Variants in KCNK2 observed in about 807,000 individuals in gnomAD.
The protein encoded by KCNK2 is potassium channel subfamily K member 2.
A neutral mutation model predicts 40.5 loss-of-function variants in KCNK2; 21 were observed. The observed-to-expected ratio is 0.52, with a 90% CI of 0.37 to 0.75. The LOEUF (loss-of-function observed/expected upper bound fraction) is 0.75, where lower values mean the gene tolerates loss of function less well. KCNK2 is among the 30% of genes least tolerant of loss of function. KCNK2 has a pLI of 0.00. For synonymous variants in KCNK2, 191 were observed against 202.2 expected (o/e 0.94, Z 0.47); for missense variants, 399 against 531.6 (o/e 0.75, Z 2.45).
At position 215,187,955 on chromosome 1, in the gene KCNK2, G is replaced by A. The variant is rs1664517237; in HGVS notation, c.824-6998G>A. Among the ~76,000 whole-genome samples the A allele has an allele frequency of 2.6e-5, 4 of 151,868 alleles. No homozygotes were observed. The South Asian group carries it at 8.3e-4, about 32-fold the overall frequency. On this transcript the variant is annotated intron_variant, in intron 5 of 6. Coordinates refer to ENST00000444842, the MANE Select transcript of KCNK2 (RefSeq NM_001017425.3). Reference sequence around the variant, plus strand: ...AATGTGAAAGAGTGAAAAAACCAGAGAAGAATTTATAGTTTCACAAAGCAG... The same window carrying A: ...AATGTGAAAGAGTGAAAAAACCAGAAAAGAATTTATAGTTTCACAAAGCAG...
intron 5 of KCNK2, among the ~76,000 whole-genome samples, chr1:215,188,249 C>T: frequency 6.6e-6 from 1 of 152,072 alleles, no homozygotes; most frequent in Non-Finnish European, 1.5e-5. Flanking sequence ...GTGCTCCCTC[C>T]TATAGAGGTA....
intron 6 of KCNK2, among the ~76,000 whole-genome samples, chr1:215,226,395 G>T (rs572888899): frequency 6.6e-6 from 1 of 152,196 alleles, no homozygotes; most frequent in South Asian, 2.1e-4. Context: ...GCGTGATCTC[G>T]GCTCACTGTA....
chr1:215,098,422 A>C (rs1660072917), intron 2 of KCNK2, among the ~76,000 whole-genome samples: 1 of 151,870 alleles, frequency 6.6e-6, no homozygotes, highest in Non-Finnish European at 1.5e-5. Flanking sequence ...CAAATCTGTT[A>C]GTTTTCACGT....
intron 1 of KCNK2, among the ~76,000 whole-genome samples, chr1:215,076,871 T>G (rs1454494667): frequency 1.3e-5 from 2 of 152,178 alleles, no homozygotes; most frequent in African/African-American, 4.8e-5. Context: ...TGATATCAAG[T>G]GTCAGACATC....
chr1:215,225,710 T>C (rs1304190332), intron 6 of KCNK2, among the ~76,000 whole-genome samples: 1 of 152,154 alleles, frequency 6.6e-6, no homozygotes, highest in African/African-American at 2.4e-5. Context: ...GGAGAAGAAA[T>C]TGATAGAATG....
intron 1 of KCNK2, among the ~76,000 whole-genome samples, chr1:215,023,100 T>C (rs1270413250): frequency 6.6e-6 from 1 of 152,218 alleles, no homozygotes; most frequent in African/African-American, 2.4e-5. Flanking sequence ...CCCTGAAATA[T>C]GAGCCTTTCG....
At chr1:215,128,574 G>C (rs1477447994) in intron 3 of KCNK2, among the ~76,000 whole-genome samples, 1 of 152,126 alleles carries the variant, frequency 6.6e-6, no homozygotes, top group Non-Finnish European at 1.5e-5. Flanking sequence ...TGAGAATTGA[G>C]AAAAAGGGAA....
At chr1:215,160,996 C>T (rs1663168848) in intron 3 of KCNK2, among the ~76,000 whole-genome samples, 1 of 152,084 alleles carries the variant, frequency 6.6e-6, no homozygotes, top group Non-Finnish European at 1.5e-5. Context: ...TTCATTGTGT[C>T]CGTCTCAGAG....
intron 2 of KCNK2, among the ~76,000 whole-genome samples, chr1:215,102,696 A>G (rs1660274242): frequency 7.4e-6 from 1 of 135,270 alleles, no homozygotes; most frequent in African/African-American, 2.5e-5. Context: ...TAGATGCCCT[A>G]TACCAGGTAC....
intron 5 of KCNK2, among the ~76,000 whole-genome samples, chr1:215,175,817 A>G (rs767592181): frequency 6.6e-6 from 1 of 152,132 alleles, no homozygotes; most frequent in African/African-American, 2.4e-5. Flanking sequence ...ATGTTGCTGT[A>G]AAGGACATGG....
intron 1 of KCNK2, among the ~76,000 whole-genome samples, chr1:215,072,551 C>G (rs1341939868): frequency 6.6e-6 from 1 of 152,178 alleles, no homozygotes; most frequent in Non-Finnish European, 1.5e-5. Flanking sequence ...GTTGGAAGGT[C>G]TAACACACTG....
intron 3 of KCNK2, among the ~76,000 whole-genome samples, chr1:215,168,583 C>CT (rs900732749): frequency 3.3e-4 from 51 of 152,262 alleles, no homozygotes; most frequent in African/African-American, 1.2e-3. Flanking sequence ...AGCCATCTGC[C>CT]TCAGCAAACT....
In KCNK2 at chr1:215,197,056, T is replaced by C. The variant is rs530544716; in HGVS notation, c.963+1964T>C. Reference sequence around the variant, plus strand: ...TACATACACACTTAATATCTTAATATTTTTGTGGTCCACAATCCAAAAGTT... The same window carrying C: ...TACATACACACTTAATATCTTAATACTTTTGTGGTCCACAATCCAAAAGTT... On this transcript the variant is annotated intron_variant, in intron 6 of 6. Coordinates refer to ENST00000444842, the MANE Select transcript of KCNK2 (RefSeq NM_001017425.3). Among the ~76,000 whole-genome samples, 5 of 152,300 alleles carry C rather than the reference T, an allele frequency of 3.3e-5. No individual in the cohort carries two copies. In the South Asian group the frequency reaches 1.0e-3, roughly 32 times the overall value.
At chr1:215,006,687 T>C (rs1289576780) in intron 1 of KCNK2, among the ~76,000 whole-genome samples, 2 of 152,088 alleles carry the variant, frequency 1.3e-5, no homozygotes, top group African/African-American at 4.8e-5. Flanking sequence ...TGTCATATAG[T>C]ATGTACTAAA....
intron 4 of KCNK2, among the ~76,000 whole-genome samples, chr1:215,171,509 G>C (rs1223836132): frequency 6.6e-6 from 1 of 152,028 alleles, no homozygotes; most frequent in African/African-American, 2.4e-5. Flanking sequence ...TGAAATTAAT[G>C]TTTATCAATG....
chr1:215,174,458 T>C (rs1345303657), intron 5 of KCNK2, among the ~76,000 whole-genome samples: 1 of 152,194 alleles, frequency 6.6e-6, no homozygotes, highest in African/African-American at 2.4e-5. Context: ...ATGCGGGCTC[T>C]TTTTTGGTTC....
chr1:215,073,478 G>GT (rs1021851365), intron 1 of KCNK2, among the ~76,000 whole-genome samples: 2 of 152,108 alleles, frequency 1.3e-5, no homozygotes, highest in Non-Finnish European at 2.9e-5. Flanking sequence ...AGGAAGATGT[G>GT]TTTTTACTGA....
intron 5 of KCNK2, among the ~76,000 whole-genome samples, chr1:215,187,247 A>G (rs557830341): frequency 6.6e-6 from 1 of 152,288 alleles, no homozygotes; most frequent in East Asian, 1.9e-4. Flanking sequence ...TGGGATTTTA[A>G]AAGCATCAAT....
upstream of KCNK2, among the ~76,000 whole-genome samples, chr1:215,079,619 T>C (rs34804996): frequency 0.076 from 11,502 of 152,198 alleles, 499 homozygotes; most frequent in Middle Eastern, 0.14. Flanking sequence ...AGGGCAATCC[T>C]CCAACATTGA....
Sources: allele counts gnomAD v4.1 joint callset (sites outside exome capture counted in the v4.1 genomes callset), GRCh38; gene constraint gnomAD v4.1.1; transcripts MANE v1.5; gene names NCBI Gene and HGNC (gene_info 2026-07-23, HGNC 2026-07-21).